TRMT10B: variants seen among roughly 807,000 people sequenced by gnomAD.
TRMT10B encodes the protein tRNA methyltransferase 10 homolog B.
Under a neutral mutation model 43.8 loss-of-function variants are expected in TRMT10B, and 33 were observed. The observed-to-expected ratio is 0.75, with a 90% CI of 0.57 to 1.01. TRMT10B has a LOEUF of 1.01. Ranked by LOEUF, TRMT10B falls within the 50% of genes least tolerant of loss-of-function variation. The pLI, the probability that TRMT10B is intolerant of heterozygous loss-of-function variation, is 0.00. For synonymous variants in TRMT10B, 137 were observed against 130.6 expected (o/e 1.05, Z -0.34); for missense variants, 362 against 369.8 (o/e 0.98, Z 0.17).
chr9:37,756,666 A>G (rs1453002396), intron 1 of TRMT10B, among the ~76,000 whole-genome samples: 1 of 151,904 alleles, frequency 6.6e-6, no homozygotes, highest in African/African-American at 2.4e-5. Flanking sequence ...TGAGATTGCA[A>G]TGAGATCATG....
In TRMT10B at chr9:37,778,886, TG is replaced by T. The variant is rs1182770889; in HGVS notation, c.*1180del. 2 of 152,224 alleles carry T rather than the reference TG, an allele frequency of 1.3e-5. No individual in the cohort carries two copies. The highest frequency in any genetic ancestry group is 4.8e-5 in the African/African-American group (2 of 41,452). 9.4% of individuals were successfully genotyped at this position (152,224 alleles called of 1,614,324 possible). The stretch of plus-strand genomic sequence containing the variant: ...GTAGGATCCTAACAGGACAAATCTG[TG>T]TACCTATCTTTCTATCCTCCCTGAG... On this transcript the variant is annotated 3_prime_UTR_variant, in exon 9 of 9. Transcript: ENST00000297994.
rs79507977 is a variant in TRMT10B at position 37,769,158 on chromosome 9, A to G, written c.574-783A>G. ...CCCCGTCCCTACTAAAAATACGAAC[A>G]TTAGCTCGGTGCAGTGGTGCGCGCC... is the stretch of plus-strand genomic sequence containing the variant. On this transcript the variant is annotated intron_variant, in intron 5 of 8. Transcript: ENST00000297994. Among the ~76,000 whole-genome samples, 307 of 151,922 alleles carry G rather than the reference A, an allele frequency of 2.0e-3. 1 individual carries two copies. The highest frequency in any genetic ancestry group is 7.0e-3 in the African/African-American group (290 of 41,430).
intron 1 of TRMT10B, among the ~76,000 whole-genome samples, chr9:37,758,468 G>C (rs1054348861): frequency 1.3e-5 from 2 of 152,190 alleles, no homozygotes; most frequent in African/African-American, 4.8e-5. Flanking sequence ...CACGGGGATA[G>C]ACAAAGCACT....
chr9:37,763,396 GCC>G (rs1826627378), intron 3 of TRMT10B, among the ~76,000 whole-genome samples: 1 of 152,084 alleles, frequency 6.6e-6, no homozygotes, highest in East Asian at 1.9e-4. Context: ...ACATAATTAT[GCC>G]CAAGATAATG....
Position 37,762,648 on chromosome 9 carries a change from A to C in TRMT10B, c.258A>C (p.Glu86Asp). The change falls in exon 3 of 9, where the codon GAA becomes GAC. Residue 86 changes from glutamate (E) to aspartate (D), a missense_variant. Transcript: ENST00000297994. ...CAAAGAAGAGCAAAAGAAAGCAAGA[A>C]AAAGAACGAAGAAAAGCCAATCGTG... ...VAAKKSKRKQEKERRKANRAE... is the reference protein window; with the variant it reads ...VAAKKSKRKQDKERRKANRAE... The C allele has an allele frequency of 1.3e-6, 2 of 1,595,384 alleles. No individual in the cohort carries two copies. The highest frequency in any genetic ancestry group is 1.7e-6 in the Non-Finnish European group (2 of 1,169,768).
chr9:37,755,114 C>T (rs1446511678), intron 1 of TRMT10B, among the ~76,000 whole-genome samples: 1 of 151,896 alleles, frequency 6.6e-6, no homozygotes, highest in Non-Finnish European at 1.5e-5. Flanking sequence ...ACTAAAAATA[C>T]AAAAAAATCT....
In TRMT10B at chr9:37,765,092, T is replaced by C. The variant is rs577628831; in HGVS notation, c.420+1339T>C. Among the ~76,000 whole-genome samples the C allele has an allele frequency of 2.6e-5, 4 of 152,266 alleles. No individual in the cohort carries two copies. In the East Asian group the frequency reaches 7.7e-4, roughly 29 times the overall value. ...GATAAAGAGATTATGCCTTGGACCC[T>C]TGATGAAAAGTATTTAATTATTTAT... On this transcript the variant is annotated intron_variant, in intron 4 of 8. Coordinates refer to ENST00000297994, the MANE Select transcript of TRMT10B (RefSeq NM_144964.4).
chr9:37,772,523 C>T (rs1827700714), intron 7 of TRMT10B, among the ~76,000 whole-genome samples: 1 of 152,132 alleles, frequency 6.6e-6, no homozygotes, highest in Admixed American at 6.5e-5. Context: ...TCAAGCAATC[C>T]TCCTACCTCA....
chr9:37,769,923 A>C lies in TRMT10B; in HGVS notation c.574-18A>C, dbSNP rs776952083. 2.5e-6 allele frequency: 4 copies of C among 1,610,854 alleles called. 1 individual carries two copies. In the South Asian group the frequency reaches 4.4e-5, roughly 18 times the overall value. ...CAGCCGTGAGCTGTTTTAACATCAG[A>C]CTGTTTGCATTTTCCAGTTAGACAT... On this transcript the variant is annotated intron_variant, in intron 5 of 8. Transcript: ENST00000297994.
At chr9:37,753,584 G>A (rs535381151), upstream of TRMT10B, among the ~76,000 whole-genome samples, 4 of 152,296 alleles carry the variant, frequency 2.6e-5, no homozygotes, top group Admixed American at 1.3e-4. Flanking sequence ...GTTGGTAAAG[G>A]GTTGGGGTTG....
chr9:37,763,143 C>CAAAAAAAAAAA (rs747893643), intron 3 of TRMT10B, among the ~76,000 whole-genome samples: 13 of 50,162 alleles, frequency 2.6e-4, no homozygotes, highest in African/African-American at 4.3e-4. Flanking sequence ...GACTCTGTCT[C>CAAAAAAAAAAA]AAAAAAAAAA....
chr9:37,754,837 A>G (rs1024289660), intron 1 of TRMT10B, among the ~76,000 whole-genome samples: 3 of 152,214 alleles, frequency 2.0e-5, no homozygotes, highest in Non-Finnish European at 4.4e-5. Context: ...ATGAAATCTC[A>G]CTTCTTGATA....
At chr9:37,772,719 C>T (rs919544792) in intron 7 of TRMT10B, among the ~76,000 whole-genome samples, 1 of 152,124 alleles carries the variant, frequency 6.6e-6, no homozygotes, top group Admixed American at 6.5e-5. Flanking sequence ...CACAGTGGCT[C>T]ATGTCTGTAA....
intron 1 of TRMT10B, among the ~76,000 whole-genome samples, chr9:37,755,512 T>A (rs1052886471): frequency 2.0e-5 from 3 of 152,216 alleles, no homozygotes; most frequent in African/African-American, 7.2e-5. Context: ...TCACCTTTGC[T>A]TTCTGAGGAT....
chr9:37,768,097 C>T lies in TRMT10B; in HGVS notation c.442C>T (p.Gln148Ter). 6.2e-6 allele frequency: 10 copies of T among 1,614,040 alleles called. No homozygotes were observed. Among genetic ancestry groups the T allele is most frequent in the African/African-American group, 1.3e-5 (1 of 75,046 alleles). Residue 148 changes from glutamine to a stop codon, truncating the protein, a stop_gained, in exon 5 of 9, where the codon CAG becomes TAG. Transcript: ENST00000297994. LOFTEE classifies it high-confidence loss of function. ...GAAGGAATTAAGTAGACTGGCTGGA[C>T]AGATTCGAAGGTTGTATGGTTCAAA... is the stretch of plus-strand genomic sequence containing the variant. ...SKKELSRLAG[Q>*]IRRLYGSNKK...
chr9:37,762,405 G>C, intron 2 of TRMT10B, 172 bp from the exon 3 acceptor site: 2 of 1,007,040 alleles, frequency 2.0e-6, no homozygotes, highest in South Asian at 2.0e-5. Context: ...CTTTTTCTGG[G>C]GCTCTGTTTT....
upstream of TRMT10B, among the ~76,000 whole-genome samples, chr9:37,753,321 A>G (rs778795258): frequency 1.3e-5 from 2 of 152,236 alleles, no homozygotes; most frequent in African/African-American, 2.4e-5. Context: ...TAGTTCTACA[A>G]AGATTCTGTT....
At chr9:37,776,482 G>C (rs1828166399) in intron 8 of TRMT10B, 77 bp downstream of exon 8, 2 of 1,485,054 alleles carry the variant, frequency 1.3e-6, no homozygotes, top group African/African-American at 1.4e-5. Context: ...AGTGGCCTTT[G>C]AGTCAGTCTC....
intron 7 of TRMT10B, among the ~76,000 whole-genome samples, chr9:37,775,302 A>C (rs1231338496): frequency 6.6e-6 from 1 of 152,102 alleles, no homozygotes; most frequent in African/African-American, 2.4e-5. Flanking sequence ...TTGGCATGTT[A>C]ATTATCCCAG....
Sources: allele counts gnomAD v4.1 joint callset (sites outside exome capture counted in the v4.1 genomes callset), GRCh38; gene constraint gnomAD v4.1.1; transcripts MANE v1.5; gene names NCBI Gene and HGNC (gene_info 2026-07-23, HGNC 2026-07-21).